REV3L: variants seen among roughly 807,000 people sequenced by gnomAD.
The protein encoded by REV3L is DNA polymerase zeta catalytic subunit.
Under a neutral mutation model 299.4 loss-of-function variants are expected in REV3L, and 69 were observed. The ratio of observed to expected loss-of-function variants is 0.23; its 90% CI spans 0.19 to 0.28. REV3L has a LOEUF of 0.28. REV3L is among the 10% of genes least tolerant of loss of function. The probability of loss-of-function intolerance (pLI) is 1.00; values close to 1 mark genes in which losing one functional copy is unlikely to be tolerated. For missense variants in REV3L, 3,128 were observed against 3,693.8 expected (o/e 0.85, Z 3.97); for synonymous variants, 1,238 against 1,271.4 (o/e 0.97, Z 0.56).
intron 14 of REV3L, 117 bp from the exon 15 acceptor site, chr6:111,365,461 T>A (rs1476198055): frequency 9.0e-6 from 4 of 443,440 alleles, no homozygotes; most frequent in African/African-American, 6.2e-5. Context: ...GTCCTATGAA[T>A]TCCCCCCAGA....
At position 111,482,961 on chromosome 6, in the gene REV3L, C is replaced by T; in HGVS notation, c.-73G>A. ...GCAGCAGCAGCGGCGGCGGCTCCCTCCGCAGCGGCGGCGGCGCCCCCTCCC... is the reference window on the plus strand; with the variant it reads ...GCAGCAGCAGCGGCGGCGGCTCCCTTCGCAGCGGCGGCGGCGCCCCCTCCC... On this transcript the variant is annotated 5_prime_UTR_variant, in exon 1 of 32. Transcript: ENST00000368802. The T allele has an allele frequency of 7.0e-7, 1 of 1,433,178 alleles. No homozygotes were observed. The highest frequency in any genetic ancestry group is 9.1e-7 in the Non-Finnish European group (1 of 1,098,606). 88.8% of individuals were successfully genotyped at this position (1,433,178 alleles called of 1,614,324 possible).
intron 1 of REV3L, among the ~76,000 whole-genome samples, chr6:111,448,141 A>C (rs1357517421): frequency 6.6e-6 from 1 of 152,214 alleles, no homozygotes; most frequent in African/African-American, 2.4e-5. Flanking sequence ...CTGAATGGTC[A>C]TGTTGAGTTA....
chr6:111,315,575 A>G, intron 26 of REV3L, 194 bp from the exon 27 acceptor site: 1 of 562,862 alleles, frequency 1.8e-6, no homozygotes, highest in Non-Finnish European at 3.2e-6. Context: ...TCTTGTTACA[A>G]ATCTTTTAAG....
At position 111,367,779 on chromosome 6, in the gene REV3L, T is replaced by C; in HGVS notation, c.6009A>G (p.Arg2003=). The stretch of plus-strand genomic sequence containing the variant: ...CTTGAAGCCACACTTGAACCAGTTG[T>C]CGACTTGGGGCACATTTGCAAGGCA... The part of the protein sequence containing the change: ...VIMPCKCAPS[R]QLVQVWLQAK... Residue 2003 remains arginine (R), a synonymous_variant, in exon 14 of 32, where the codon CGA becomes CGG. Coordinates refer to ENST00000368802, the MANE Select transcript of REV3L (RefSeq NM_001372078.1). 2 of 1,614,216 alleles carry C rather than the reference T, an allele frequency of 1.2e-6. No individual in the cohort carries two copies. Among genetic ancestry groups the C allele is most frequent in the Non-Finnish European group, 1.7e-6 (2 of 1,180,032 alleles).
intron 16 of REV3L, among the ~76,000 whole-genome samples, chr6:111,361,882 G>C (rs550457691): frequency 1.4e-4 from 21 of 152,292 alleles, no homozygotes; most frequent in Non-Finnish European, 2.6e-4. Context: ...TTGAGATGAG[G>C]AAAGCCGGTT....
chr6:111,363,638 T>C (rs576523605), intron 16 of REV3L, among the ~76,000 whole-genome samples: 2 of 152,236 alleles, frequency 1.3e-5, no homozygotes, highest in East Asian at 3.9e-4. Flanking sequence ...AGATATGAAA[T>C]CACAAAGCAG....
intron 18 of REV3L, among the ~76,000 whole-genome samples, chr6:111,356,510 C>T (rs1157764044): frequency 2.0e-5 from 3 of 151,944 alleles, no homozygotes; most frequent in Admixed American, 2.0e-4. Flanking sequence ...AATAGATAAT[C>T]CTACATTTAT....
In REV3L at chr6:111,335,461, T is replaced by C; in HGVS notation, c.7680+8A>G. On this transcript the variant is annotated splice_region_variant and intron_variant, in intron 22 of 31. Transcript: ENST00000368802. Reference sequence around the variant, plus strand: ...ACTTTCAAGTCTGCAAGAAAACTGATTTCCCACCTGTGAACCCCTTGTCAG... The same window carrying C: ...ACTTTCAAGTCTGCAAGAAAACTGACTTCCCACCTGTGAACCCCTTGTCAG... The C allele has an allele frequency of 6.2e-7, 1 of 1,606,748 alleles. No individual in the cohort carries two copies. The highest frequency in any genetic ancestry group is 8.5e-7 in the Non-Finnish European group (1 of 1,177,172).
chr6:111,319,963 G>A (rs1288433849), intron 26 of REV3L, among the ~76,000 whole-genome samples: 1 of 151,814 alleles, frequency 6.6e-6, no homozygotes, highest in Non-Finnish European at 1.5e-5. Context: ...CTGAGTAGCT[G>A]GGATTATAGG....
At chr6:111,366,384 GGAA>G (rs1434541342) in intron 14 of REV3L, among the ~76,000 whole-genome samples, 3 of 152,192 alleles carry the variant, frequency 2.0e-5, no homozygotes, top group Non-Finnish European at 1.5e-5. Context: ...CCTGTAGACA[GGAA>G]TTAGATCATT....
chr6:111,405,965 G>A (rs1259154533), intron 3 of REV3L, among the ~76,000 whole-genome samples: 2 of 151,822 alleles, frequency 1.3e-5, no homozygotes, highest in Non-Finnish European at 2.9e-5. Flanking sequence ...ATTCAAAAAA[G>A]GAAAAGAAAT....
In REV3L at chr6:111,299,537, A is replaced by ATCAT. The variant is rs1287902717; in HGVS notation, c.*475_*478dup. 2 of 152,756 alleles carry ATCAT rather than the reference A, an allele frequency of 1.3e-5. No individual in the cohort carries two copies. Among genetic ancestry groups the ATCAT allele is most frequent in the African/African-American group, 4.8e-5 (2 of 41,474 alleles). 9.5% of individuals were successfully genotyped at this position (152,756 alleles called of 1,614,324 possible). A position where few individuals can be genotyped will look rare whatever the true frequency, so the allele number is the denominator to read the frequency against. The stretch of plus-strand genomic sequence containing the variant: ...CAACTTGAAAATCATTTGTATAAAA[A>ATCAT]TCATTGCACATTATTTTGCTCGTTT... On this transcript the variant is annotated 3_prime_UTR_variant, in exon 32 of 32. Transcript: ENST00000368802.
chr6:111,383,447 T>C lies in REV3L; in HGVS notation c.1097-2003A>G, dbSNP rs575124853. 2.6e-5 allele frequency among the ~76,000 whole-genome samples: 4 copies of C among 152,274 alleles called. No individual in the cohort carries two copies. In the South Asian group the frequency reaches 6.2e-4, roughly 24 times the overall value. Reference sequence around the variant, plus strand: ...TACAAAATCAACATATGAAAATCAGTAGCATTTCTATATGCCAACAGTGAA... The same window carrying C: ...TACAAAATCAACATATGAAAATCAGCAGCATTTCTATATGCCAACAGTGAA... On this transcript the variant is annotated intron_variant, in intron 9 of 31. Coordinates refer to ENST00000368802, the MANE Select transcript of REV3L (RefSeq NM_001372078.1).
chr6:111,464,436 C>A (rs1791171856), intron 1 of REV3L, among the ~76,000 whole-genome samples: 1 of 152,060 alleles, frequency 6.6e-6, no homozygotes. Flanking sequence ...AAACATTCAG[C>A]AGCATAGATA....
At chr6:111,302,025 A>G (rs1771610013) in intron 31 of REV3L, among the ~76,000 whole-genome samples, 1 of 152,208 alleles carries the variant, frequency 6.6e-6, no homozygotes, top group Non-Finnish European at 1.5e-5. Flanking sequence ...TTTGATCTAT[A>G]TTTATCAAAG....
At position 111,482,981 on chromosome 6, in the gene REV3L, C is replaced by A; in HGVS notation, c.-93G>T. 1 of 1,382,178 alleles carries A rather than the reference C, an allele frequency of 7.2e-7. No individual in the cohort carries two copies. Among genetic ancestry groups the A allele is most frequent in the Non-Finnish European group, 9.4e-7 (1 of 1,064,506 alleles). The allele number at this position is 1,382,178 out of a possible 1,614,324, so 85.6% of individuals were successfully genotyped here. On this transcript the variant is annotated 5_prime_UTR_variant, in exon 1 of 32. Coordinates refer to ENST00000368802, the MANE Select transcript of REV3L (RefSeq NM_001372078.1). ...TCCCTCCGCAGCGGCGGCGGCGCCCCCTCCCCTTCTCGGCACGGCCCCCTC... is the reference window on the plus strand; with the variant it reads ...TCCCTCCGCAGCGGCGGCGGCGCCCACTCCCCTTCTCGGCACGGCCCCCTC...
At chr6:111,417,284 T>C (rs1246606621) in intron 1 of REV3L, among the ~76,000 whole-genome samples, 1 of 152,150 alleles carries the variant, frequency 6.6e-6, no homozygotes, top group Admixed American at 6.5e-5. Context: ...CGATAATCTG[T>C]CCATGACAAG....
Position 111,349,214 on chromosome 6 carries a change from C to A in REV3L, c.7419+4G>T. ...CTAAACAACATTTTGGATAAATCACCCACCTCATTTCTCATGATTCTCCAA... is the reference window on the plus strand; with the variant it reads ...CTAAACAACATTTTGGATAAATCACACACCTCATTTCTCATGATTCTCCAA... On this transcript the variant is annotated splice_donor_region_variant and intron_variant, in intron 20 of 31. Coordinates refer to ENST00000368802, the MANE Select transcript of REV3L (RefSeq NM_001372078.1). 7.2e-7 allele frequency: 1 copy of A among 1,386,110 alleles called. No homozygotes were observed. 85.9% of individuals were successfully genotyped at this position (1,386,110 alleles called of 1,614,324 possible). A position where few individuals can be genotyped will look rare whatever the true frequency, so the allele number is the denominator to read the frequency against.
At chr6:111,417,675 T>G (rs984850939) in intron 1 of REV3L, among the ~76,000 whole-genome samples, 3 of 152,256 alleles carry the variant, frequency 2.0e-5, no homozygotes, top group African/African-American at 7.2e-5. Context: ...TACACTGTGT[T>G]GATATCTTAA....
Sources: allele counts gnomAD v4.1 joint callset (sites outside exome capture counted in the v4.1 genomes callset), GRCh38; gene constraint gnomAD v4.1.1; transcripts MANE v1.5; gene names NCBI Gene and HGNC (gene_info 2026-07-23, HGNC 2026-07-21).